Variants in SMAD3 observed in about 807,000 individuals in gnomAD.
SMAD3 encodes MAD homolog 3.
A neutral mutation model predicts 51.8 loss-of-function variants in SMAD3; 12 were observed. That is an observed-to-expected ratio of 0.23 (90% CI 0.15 to 0.38). The LOEUF is 0.38. Ranked by LOEUF, SMAD3 falls within the 10% of genes least tolerant of loss-of-function variation. The pLI is 1.00. For synonymous variants in SMAD3, 238 were observed against 227.7 expected, an observed-to-expected ratio of 1.05 and a Z score of -0.41; for missense variants, 294 against 565.6, an observed-to-expected ratio of 0.52 and a Z score of 4.87.
chr15:67,189,559 C>T (rs1211496634), intron 8 of SMAD3, among the ~76,000 whole-genome samples: 1 of 152,232 alleles, frequency 6.6e-6, no homozygotes, highest in Non-Finnish European at 1.5e-5. Flanking sequence ...GGGCGCGGCC[C>T]CTTCCCAGAA....
Position 67,084,265 on chromosome 15 carries a change from T to C in SMAD3, c.206+17905T>C, listed in dbSNP as rs539997988. ...TAATTTTTTTTTTTTGTATTTTTAG[T>C]AGAGACGGGGTTTCTTTGTGTTAGC... is the stretch of plus-strand genomic sequence containing the variant. On this transcript the variant is annotated intron_variant, in intron 1 of 8. Transcript: ENST00000327367. 3.8e-4 allele frequency among the ~76,000 whole-genome samples: 57 copies of C among 151,540 alleles called. 1 individual carries two copies. The highest frequency in any genetic ancestry group is 1.4e-3 in the African/African-American group (57 of 41,288).
At chr15:67,107,106 C>G (rs1407986906) in intron 1 of SMAD3, among the ~76,000 whole-genome samples, 1 of 150,462 alleles carries the variant, frequency 6.6e-6, no homozygotes, top group Non-Finnish European at 1.5e-5. Context: ...GGGCTCAGCA[C>G]AGTACCTGGA....
At chr15:67,142,913 G>A (rs554208343) in intron 1 of SMAD3, 27 of 439,916 alleles carry the variant, frequency 6.1e-5, no homozygotes, top group African/African-American at 3.7e-4. Context: ...CATACCCGTC[G>A]GCTCACTCCT....
At chr15:67,113,176 C>T (rs1169551862) in intron 1 of SMAD3, among the ~76,000 whole-genome samples, 6 of 124,974 alleles carry the variant, frequency 4.8e-5, no homozygotes, top group South Asian at 5.9e-4. Context: ...CTCTGCCTCC[C>T]GGGTTCACGT....
chr15:67,075,657 A>T (rs1474598664), intron 1 of SMAD3, among the ~76,000 whole-genome samples: 1 of 152,154 alleles, frequency 6.6e-6, no homozygotes, highest in Non-Finnish European at 1.5e-5. Context: ...GCTCATGCCT[A>T]TAATCCCAGC....
At chr15:67,184,497 G>A (rs1261025697) in intron 6 of SMAD3, among the ~76,000 whole-genome samples, 1 of 152,172 alleles carries the variant, frequency 6.6e-6, no homozygotes, top group Non-Finnish European at 1.5e-5. Context: ...CTGTCACTGA[G>A]ACCTATCCTG....
intron 1 of SMAD3, among the ~76,000 whole-genome samples, chr15:67,095,601 C>T (rs1035218225): frequency 2.0e-5 from 3 of 151,900 alleles, no homozygotes; most frequent in Admixed American, 6.6e-5. Context: ...GGCTCAATAT[C>T]GGCTCTCTGT....
At chr15:67,170,527 A>C (rs780862923) in intron 4 of SMAD3, 27 bp from the exon 5 acceptor site, 1 of 1,603,578 alleles carries the variant, frequency 6.2e-7, no homozygotes. Context: ...TCTTTTGTGA[A>C]GTCTCACAAC....
chr15:67,157,144 G>T (rs770883791), intron 1 of SMAD3, among the ~76,000 whole-genome samples: 1 of 152,210 alleles, frequency 6.6e-6, no homozygotes, highest in Non-Finnish European at 1.5e-5. Flanking sequence ...AAGAAAGTTT[G>T]TCTGAAAGTG....
intron 1 of SMAD3, among the ~76,000 whole-genome samples, chr15:67,114,922 CAT>C (rs953032889): frequency 2.6e-5 from 4 of 152,222 alleles, no homozygotes; most frequent in Non-Finnish European, 5.9e-5. Flanking sequence ...ATATGCCACA[CAT>C]GTTGTTACTG....
At chr15:67,161,077 G>T (rs1962419242) in intron 1 of SMAD3, among the ~76,000 whole-genome samples, 1 of 152,048 alleles carries the variant, frequency 6.6e-6, no homozygotes, top group Non-Finnish European at 1.5e-5. Context: ...AGACATTTTA[G>T]AGTTTAAGTT....
intron 1 of SMAD3, among the ~76,000 whole-genome samples, chr15:67,139,451 CCCT>C (rs1961759312): frequency 6.6e-6 from 1 of 152,138 alleles, no homozygotes; most frequent in African/African-American, 2.4e-5. Context: ...TAGCCTTTAA[CCCT>C]TTAAAGTTTG....
At chr15:67,083,984 G>A (rs1042597616) in intron 1 of SMAD3, among the ~76,000 whole-genome samples, 2 of 151,000 alleles carry the variant, frequency 1.3e-5, no homozygotes, top group African/African-American at 4.9e-5. Context: ...CTTCCTGGGT[G>A]TTGGTCTTCT....
rs1962850828 is a variant in SMAD3 at position 67,175,023 on chromosome 15, G to A, written c.658+4419G>A. Among the ~76,000 whole-genome samples, 4 of 152,236 alleles carry A rather than the reference G, an allele frequency of 2.6e-5. No homozygotes were observed. In the South Asian group the frequency reaches 8.3e-4, roughly 32 times the overall value. On this transcript the variant is annotated intron_variant, in intron 5 of 8. Transcript: ENST00000327367. ...CCGTTGTTTGCAGGGCAGGAGATAT[G>A]AGCAGGTGATGTTCCTGTTATTACA...
chr15:67,078,428 C>T (rs761638436), intron 1 of SMAD3, among the ~76,000 whole-genome samples: 69 of 152,218 alleles, frequency 4.5e-4, no homozygotes, highest in Admixed American at 2.9e-3. Flanking sequence ...CCAGACCACA[C>T]TGCAATCAGT....
intron 1 of SMAD3, among the ~76,000 whole-genome samples, chr15:67,094,638 G>T (rs987609098): frequency 1.1e-4 from 16 of 152,230 alleles, no homozygotes; most frequent in Admixed American, 9.8e-4. Context: ...CCGAGCTGAA[G>T]ATCATAATTA....
At chr15:67,169,936 C>G (rs1258158634) in intron 4 of SMAD3, among the ~76,000 whole-genome samples, 1 of 152,080 alleles carries the variant, frequency 6.6e-6, no homozygotes. Context: ...AGACTTTTTC[C>G]CACGTGCATC....
chr15:67,070,194 G>A (rs889468245), intron 1 of SMAD3, among the ~76,000 whole-genome samples: 1 of 152,150 alleles, frequency 6.6e-6, no homozygotes, highest in African/African-American at 2.4e-5. Context: ...ATGCCCGTGT[G>A]GCCCATTGGA....
chr15:67,148,499 C>G (rs1407898504), intron 1 of SMAD3, among the ~76,000 whole-genome samples: 1 of 152,244 alleles, frequency 6.6e-6, no homozygotes, highest in Non-Finnish European at 1.5e-5. Context: ...ATGACTCTCT[C>G]TCCCTGGTAT....
Sources: gnomAD v4.1 joint callset for allele counts (sites outside exome capture counted in the v4.1 genomes callset) on GRCh38, gnomAD v4.1.1 for gene constraint, MANE v1.5 for transcripts, NCBI Gene and HGNC (gene_info 2026-07-23, HGNC 2026-07-21) for gene names.